OASL: variants seen among roughly 807,000 people sequenced by gnomAD.
The protein encoded by OASL is 2'-5'-oligoadenylate synthase-like protein.
OASL carries 28 observed loss-of-function variants against 35.3 expected under a neutral mutation model. The observed-to-expected ratio is 0.79, with a 90% CI of 0.59 to 1.09. The LOEUF (loss-of-function observed/expected upper bound fraction) is 1.09. Ranked by LOEUF, OASL falls within the 50% of genes least tolerant of loss-of-function variation. The pLI is 0.00. For synonymous variants in OASL, 252 were observed against 254.6 expected, an observed-to-expected ratio of 0.99 and a Z score of 0.10; for missense variants, 620 against 635.2, an observed-to-expected ratio of 0.98 and a Z score of 0.26.
intron 1 of OASL, among the ~76,000 whole-genome samples, chr12:121,038,130 A>T (rs73214166): frequency 6.6e-6 from 1 of 151,936 alleles, no homozygotes; most frequent in East Asian, 1.9e-4. Flanking sequence ...GTTAAAACAC[A>T]TAGAAAAATA....
chr12:121,018,362 G>C (rs183238825), downstream of OASL, among the ~76,000 whole-genome samples: 70 of 152,152 alleles, frequency 4.6e-4, no homozygotes, highest in Admixed American at 9.8e-4. Flanking sequence ...CGGTCTTCAG[G>C]GGGTAGGTGT....
chr12:121,026,596 A>C (rs1869495092), intron 4 of OASL, among the ~76,000 whole-genome samples: 1 of 152,194 alleles, frequency 6.6e-6, no homozygotes, highest in Admixed American at 6.5e-5. Flanking sequence ...TCACGCCTGT[A>C]AGCCCAGTAC....
At chr12:121,032,296 C>A (rs1431632092) in intron 2 of OASL, among the ~76,000 whole-genome samples, 1 of 152,158 alleles carries the variant, frequency 6.6e-6, no homozygotes, top group African/African-American at 2.4e-5. Context: ...AAAATCAGAT[C>A]CTGTCTCTTA....
intron 1 of OASL, 64 bp downstream of exon 1, chr12:121,038,710 C>T: frequency 2.6e-6 from 4 of 1,553,210 alleles, no homozygotes; most frequent in Non-Finnish European, 3.5e-6. Flanking sequence ...CCCAGCATCC[C>T]CAGGGACGTG....
intron 1 of OASL, among the ~76,000 whole-genome samples, chr12:121,038,353 C>T (rs10735073): frequency 0.99 from 150,248 of 152,312 alleles, 74,131 homozygotes; most frequent in East Asian, 1. Flanking sequence ...AATGATTTCC[C>T]ATATCAGATA....
chr12:121,019,308 G>A (rs780225511), exon 6 of OASL: 1 of 152,138 alleles, frequency 6.6e-6, no homozygotes, highest in South Asian at 2.1e-4. Flanking sequence ...AAATTGACCA[G>A]AGGCTGTTGA....
At chr12:121,024,529 C>G (rs1485438781) in intron 4 of OASL, among the ~76,000 whole-genome samples, 1 of 151,950 alleles carries the variant, frequency 6.6e-6, no homozygotes, top group African/African-American at 2.4e-5. Context: ...GAGGCAGGAG[C>G]ATTGCTTGAA....
chr12:121,029,549 A>G (rs1278361309), intron 3 of OASL, among the ~76,000 whole-genome samples: 5 of 152,034 alleles, frequency 3.3e-5, no homozygotes, highest in African/African-American at 1.2e-4. Flanking sequence ...TTAGCTGTGC[A>G]TGGTGGCGGG....
chr12:121,038,996 G>A, exon 1 of OASL: 1 of 1,605,510 alleles, frequency 6.2e-7, no homozygotes, highest in South Asian at 1.1e-5. Flanking sequence ...TACCGCTGCT[G>A]GGCAGATATA....
intron 5 of OASL, among the ~76,000 whole-genome samples, chr12:121,023,285 T>TC (rs1328097923): frequency 7.6e-5 from 7 of 91,686 alleles, no homozygotes; most frequent in East Asian, 2.8e-4. Flanking sequence ...TCTTTTTTTT[T>TC]TCTTTTTTTC....
At chr12:121,023,193 A>C (rs1869317344) in intron 5 of OASL, among the ~76,000 whole-genome samples, 1 of 151,326 alleles carries the variant, frequency 6.6e-6, no homozygotes, top group African/African-American at 2.4e-5. Flanking sequence ...TTCTCTGGTA[A>C]TTCTAGCAGT....
chr12:121,018,869 CAAAAAAAAAA>C (rs1158102389), downstream of OASL, among the ~76,000 whole-genome samples: 2 of 55,296 alleles, frequency 3.6e-5, no homozygotes, highest in African/African-American at 7.2e-5. Context: ...GACTCCATCT[CAAAAAAAAAA>C]AAAAAAAAAA....
At chr12:121,032,644 C>G (rs145695908) in intron 2 of OASL, among the ~76,000 whole-genome samples, 3 of 152,182 alleles carry the variant, frequency 2.0e-5, no homozygotes, top group Admixed American at 6.5e-5. Flanking sequence ...TCTTGCCTTT[C>G]CCATCTCAGT....
exon 1 of OASL, chr12:121,039,152 G>A (rs762685840): frequency 1.7e-6 from 1 of 604,140 alleles, no homozygotes; most frequent in South Asian, 1.9e-5. Context: ...CCCCCTTCTT[G>A]GAGACACCCT....
chr12:121,037,200 G>T (rs760937872), intron 1 of OASL, among the ~76,000 whole-genome samples: 2 of 152,074 alleles, frequency 1.3e-5, no homozygotes, highest in African/African-American at 2.4e-5. Context: ...CCACCAACTC[G>T]CTGTGTGACC....
chr12:121,028,802 C>T (rs915971243), intron 3 of OASL, among the ~76,000 whole-genome samples: 3 of 152,134 alleles, frequency 2.0e-5, no homozygotes, highest in Non-Finnish European at 4.4e-5. Context: ...CAGTGCCTCC[C>T]GCCCGTAATC....
exon 1 of OASL, chr12:121,038,855 G>C: frequency 1.2e-6 from 2 of 1,614,074 alleles, no homozygotes; most frequent in South Asian, 2.2e-5. Context: ...ACTCCTCCAC[G>C]GTCCGCACAG....
At chr12:121,034,501 C>T (rs1408741422) in intron 1 of OASL, among the ~76,000 whole-genome samples, 5 of 152,150 alleles carry the variant, frequency 3.3e-5, no homozygotes, top group African/African-American at 1.2e-4. Context: ...GTAAGGCCTA[C>T]TCCAGAGGAA....
chr12:121,031,850 C>T (rs2260399), intron 2 of OASL, among the ~76,000 whole-genome samples: 66,545 of 151,952 alleles, frequency 0.44, 15,448 homozygotes, highest in East Asian at 0.74. Context: ...CCTGGATGTC[C>T]TCAATGTCCC....
Sources: allele counts gnomAD v4.1 joint callset (sites outside exome capture counted in the v4.1 genomes callset), GRCh38; gene constraint gnomAD v4.1.1; transcripts MANE v1.5; gene names NCBI Gene and HGNC (gene_info 2026-07-23, HGNC 2026-07-21).